MORN3: variants seen among roughly 807,000 people sequenced by gnomAD.
MORN3 encodes the protein MORN repeat containing 3.
A neutral mutation model predicts 34.7 loss-of-function variants in MORN3; 38 were observed. The observed-to-expected ratio is 1.10, with a 90% confidence interval of 0.85 to 1.44. The LOEUF (loss-of-function observed/expected upper bound fraction) is 1.44, where lower values mean the gene tolerates loss of function less well. MORN3 is among the 40% of genes most tolerant of loss of function. The pLI is 0.00. For missense variants in MORN3, 311 were observed against 321.7 expected (o/e 0.97, Z 0.25); for synonymous variants, 109 against 115.3 (o/e 0.95, Z 0.35).
chr12:121,669,014 T>G (rs570454808), intron 1 of MORN3, among the ~76,000 whole-genome samples: 2 of 152,252 alleles, frequency 1.3e-5, no homozygotes, highest in Non-Finnish European at 2.9e-5. Flanking sequence ...CTTTTCTTGT[T>G]GCCAGCCAGC....
rs1566479209 is a variant in MORN3, at chr12:121,654,325, C to T, written c.412G>A (p.Glu138Lys). 4 of 1,602,596 alleles carry T rather than the reference C, an allele frequency of 2.5e-6. No individual in the cohort carries two copies. The Admixed American group carries it at 5.2e-5, about 21-fold the overall frequency. Residue 138 changes from glutamate to lysine, a missense_variant, in exon 3 of 6, where the codon GAG becomes AAG. Transcript: ENST00000355329. ...GGCTTGTCGTTCTCCCACTGTCCCT[C>T]GTAGATGTCGCCGTTGCTGTAATAC... ...RMYYSNGDIY[E>K]GQWENDKPNG...
chr12:121,656,680 T>A (rs1400191196), intron 2 of MORN3, among the ~76,000 whole-genome samples: 3 of 152,076 alleles, frequency 2.0e-5, no homozygotes, highest in African/African-American at 7.2e-5. Flanking sequence ...CCCGGCTAAT[T>A]TTTTTTGTGT....
chr12:121,668,392 G>A (rs989307084), intron 1 of MORN3, among the ~76,000 whole-genome samples: 2 of 152,024 alleles, frequency 1.3e-5, no homozygotes, highest in African/African-American at 2.4e-5. Flanking sequence ...AAATACAAAA[G>A]TAGCCAGGCG....
In MORN3 at chr12:121,669,577, A is replaced by C. The variant is rs1317441730; in HGVS notation, c.-94T>G. The C allele has an allele frequency of 6.5e-7, 1 of 1,532,584 alleles. No individual in the cohort carries two copies. Among genetic ancestry groups the C allele is most frequent in the African/African-American group, 1.4e-5 (1 of 73,152 alleles). The allele number at this position is 1,532,584 out of a possible 1,614,324, so 94.9% of individuals were successfully genotyped here. On this transcript the variant is annotated 5_prime_UTR_variant, in exon 1 of 6. The change abolishes the stop of an existing upstream ORF in the 5' untranslated region. Coordinates refer to ENST00000355329, the MANE Select transcript of MORN3 (RefSeq NM_173855.5). ...CGTGTAATGCCGGGATCCTGAGCTC[A>C]AGTGGGGAGAGTCATGTGTGTTCTG...
chr12:121,667,869 G>A (rs1030812521), intron 1 of MORN3, among the ~76,000 whole-genome samples: 14 of 151,730 alleles, frequency 9.2e-5, no homozygotes, highest in Non-Finnish European at 1.6e-4. Context: ...GACTACAGGC[G>A]CCCACTACCA....
At chr12:121,664,129 TA>T (rs1236737297) in intron 1 of MORN3, among the ~76,000 whole-genome samples, 3 of 152,020 alleles carry the variant, frequency 2.0e-5, no homozygotes, top group Non-Finnish European at 4.4e-5. Context: ...GAAGCTGACT[TA>T]AGAAGGAACT....
At position 121,669,366 on chromosome 12, in the gene MORN3, C is replaced by T. The variant is rs146462217; in HGVS notation, c.118G>A (p.Gly40Ser). Residue 40 changes from glycine to serine, a missense_variant, in exon 1 of 6, where the codon GGC becomes AGC. Coordinates refer to ENST00000355329, the MANE Select transcript of MORN3 (RefSeq NM_173855.5). The stretch of plus-strand genomic sequence containing the variant: ...TGTTTCACGTTGTCCTTCCACTCGC[C>T]CACATAGTAGTCGCCATTCACAGCG... ...VYAVNGDYYV[G>S]EWKDNVKHGK... 9.4e-5 allele frequency: 151 copies of T among 1,613,810 alleles called. No individual in the cohort carries two copies. The African/African-American group carries it at 1.6e-3, about 17-fold the overall frequency.
At chr12:121,668,483 G>A (rs1440824978) in intron 1 of MORN3, among the ~76,000 whole-genome samples, 2 of 152,158 alleles carry the variant, frequency 1.3e-5, no homozygotes, top group Non-Finnish European at 2.9e-5. Flanking sequence ...AGAGGTTGCG[G>A]TGAGCCAAGA....
chr12:121,652,745 C>T lies in MORN3; in HGVS notation c.712G>A (p.Glu238Lys). 1 of 1,614,204 alleles carries T rather than the reference C, an allele frequency of 6.2e-7. No homozygotes were observed. The highest frequency in any genetic ancestry group is 8.5e-7 in the Non-Finnish European group (1 of 1,180,022). Residue 238 changes from glutamate (E) to lysine (K), a missense_variant, in exon 5 of 6, where the codon GAA becomes AAA. Coordinates refer to ENST00000355329, the MANE Select transcript of MORN3 (RefSeq NM_173855.5). ...EALAMFRKTE[E>K]GD ...CCCCTCACCTGGCATCAATCTCCTT[C>T]CTCTGTCTTCCTGAACATGGCCAAG...
chr12:121,651,967 C>T (rs1893266298), intron 5 of MORN3, among the ~76,000 whole-genome samples: 1 of 151,654 alleles, frequency 6.6e-6, no homozygotes, highest in Admixed American at 6.6e-5. Flanking sequence ...TTTTTTGAGA[C>T]ACAGTCTCAC....
intron 1 of MORN3, among the ~76,000 whole-genome samples, chr12:121,661,140 A>G (rs1275480962): frequency 6.6e-6 from 1 of 151,906 alleles, no homozygotes; most frequent in Non-Finnish European, 1.5e-5. Flanking sequence ...AAAAAATTTT[A>G]TAGAGGCAGA....
rs369562213 is a variant in MORN3, at chr12:121,653,078, A to T, written c.645T>A (p.Pro215=). ...GGCCCTGGTGAGGGCTGCCCACCTCAGGAATGGGGAACTGAGTGGGCTCAG... is the reference window on the plus strand; with the variant it reads ...GGCCCTGGTGAGGGCTGCCCACCTCTGGAATGGGGAACTGAGTGGGCTCAG... ...EAPEPTQFPI[P]EVKILDPDGV... is the part of the protein sequence containing the mutation. Residue 215 remains proline, a synonymous_variant, in exon 4 of 6, where the codon CCT becomes CCA. Transcript: ENST00000355329. 1.4e-5 allele frequency: 22 copies of T among 1,609,438 alleles called. No individual in the cohort carries two copies. Among genetic ancestry groups the T allele is most frequent in the Middle Eastern group, 3.3e-4 (2 of 6,070 alleles).
chr12:121,655,379 C>G (rs1384186865), intron 2 of MORN3, among the ~76,000 whole-genome samples: 2 of 151,796 alleles, frequency 1.3e-5, no homozygotes, highest in Non-Finnish European at 2.9e-5. Flanking sequence ...TGCTCGCCCC[C>G]CTCCCACTCT....
In MORN3 at chr12:121,663,199, C is replaced by CTT. The variant is rs34572988; in HGVS notation, c.146-3853_146-3852dup. ...TGTACTAATAATTTCGAAATGTAGACTTTTTTTTTTTTTTTTGAGACAGAG... is the reference window on the plus strand; with the variant it reads ...TGTACTAATAATTTCGAAATGTAGACTTTTTTTTTTTTTTTTTTGAGACAGAG... On this transcript the variant is annotated intron_variant, in intron 1 of 5. Coordinates refer to ENST00000355329, the MANE Select transcript of MORN3 (RefSeq NM_173855.5). 6.6e-4 allele frequency among the ~76,000 whole-genome samples: 92 copies of CTT among 140,026 alleles called. 1 individual carries two copies. Among genetic ancestry groups the CTT allele is most frequent in the South Asian group, 3.4e-3 (15 of 4,380 alleles). The allele number at this position is 140,026 out of a possible 152,430, so 91.9% of individuals were successfully genotyped here. A position where few individuals can be genotyped will look rare whatever the true frequency, so the allele number is the denominator to read the frequency against.
intron 2 of MORN3, among the ~76,000 whole-genome samples, chr12:121,656,738 C>G (rs781790642): frequency 7.2e-5 from 11 of 152,048 alleles, no homozygotes; most frequent in Non-Finnish European, 1.3e-4. Flanking sequence ...CCAGGCTAGT[C>G]TCGAACTCCT....
At position 121,649,228 on chromosome 12, in the gene MORN3, T is replaced by C. The variant is rs976987254; in HGVS notation, c.*2423A>G. On this transcript the variant is annotated 3_prime_UTR_variant, in exon 6 of 6. Coordinates refer to ENST00000355329, the MANE Select transcript of MORN3 (RefSeq NM_173855.5). ...TCTCAAAGTGCTAGGATTACAGGCA[T>C]GAGCCACCATGCCCTGCCCCCACTT... 2 of 152,280 alleles carry C rather than the reference T, an allele frequency of 1.3e-5. No individual in the cohort carries two copies. The highest frequency in any genetic ancestry group is 2.9e-5 in the Non-Finnish European group (2 of 68,118). The allele number at this position is 152,280 out of a possible 1,614,324, so 9.4% of individuals were successfully genotyped here.
At position 121,659,362 on chromosome 12, in the gene MORN3, G is replaced by A. The variant is rs756196622; in HGVS notation, c.146-14C>T. The A allele has an allele frequency of 3.8e-5, 62 of 1,613,170 alleles. No homozygotes were observed. The highest frequency in any genetic ancestry group is 1.6e-5 in the Non-Finnish European group (19 of 1,179,472). On this transcript the variant is annotated splice_polypyrimidine_tract_variant and intron_variant, in intron 1 of 5. Transcript: ENST00000355329. ...GTGTTCCTTTCCCTGGTGACACACA[G>A]ATGGGCAATGCTGCAGACATGGCCG...
chr12:121,669,869 T>TTATG (rs1179005428), upstream of MORN3, among the ~76,000 whole-genome samples: 2 of 143,230 alleles, frequency 1.4e-5, no homozygotes, highest in South Asian at 2.2e-4. Context: ...TTTTATTTAT[T>TTATG]TATGTATTTA....
chr12:121,654,329 G>A lies in MORN3; in HGVS notation c.408C>T (p.Ile136=). The change falls in exon 3 of 6, where the codon ATC becomes ATT. Residue 136 remains isoleucine (I), a synonymous_variant. Transcript: ENST00000355329. ...WGRMYYSNGD[I]YEGQWENDKP... ...TGTCGTTCTCCCACTGTCCCTCGTA[G>A]ATGTCGCCGTTGCTGTAATACATGC... The A allele has an allele frequency of 6.2e-7, 1 of 1,603,086 alleles. No homozygotes were observed. Among genetic ancestry groups the A allele is most frequent in the Non-Finnish European group, 8.5e-7 (1 of 1,175,566 alleles).
Sources: allele counts gnomAD v4.1 joint callset (sites outside exome capture counted in the v4.1 genomes callset), GRCh38; gene constraint gnomAD v4.1.1; transcripts MANE v1.5; gene names NCBI Gene and HGNC (gene_info 2026-07-23, HGNC 2026-07-21).